The following CAMK1D variants were observed in gnomAD, a reference collection of about 807,000 sequenced individuals.
CAMK1D encodes calcium/calmodulin-dependent protein kinase type 1D.
In CAMK1D, 9 loss-of-function variants were observed where a neutral mutation model predicts 47.7. The ratio of observed to expected loss-of-function variants is 0.19; its 90% CI spans 0.11 to 0.33. The LOEUF (loss-of-function observed/expected upper bound fraction) is 0.33. Among genes scored for constraint, CAMK1D ranks in the 10% least tolerant of loss-of-function variants. The probability of loss-of-function intolerance (pLI) is 1.00; values close to 1 mark genes in which losing one functional copy is unlikely to be tolerated. For synonymous variants in CAMK1D, 184 were observed against 184.9 expected (o/e 0.99, Z 0.04); for missense variants, 291 against 488.7 (o/e 0.60, Z 3.81).
intron 1 of CAMK1D, among the ~76,000 whole-genome samples, chr10:12,458,843 A>G (rs1833337412): frequency 6.6e-6 from 1 of 150,818 alleles, no homozygotes; most frequent in African/African-American, 2.4e-5. Flanking sequence ...ACTTCAGATA[A>G]GTTTCTTTCT....
At position 12,495,046 on chromosome 10, in the gene CAMK1D, A is replaced by G. The variant is rs185060506; in HGVS notation, c.93-58179A>G. Reference sequence around the variant, plus strand: ...ATGGAAAACCTTCTTATTGAGAATTAAAAACACCGCTATCAAAATCGTTCA... The same window carrying G: ...ATGGAAAACCTTCTTATTGAGAATTGAAAACACCGCTATCAAAATCGTTCA... On this transcript the variant is annotated intron_variant, in intron 1 of 10. Coordinates refer to ENST00000619168, the MANE Select transcript of CAMK1D (RefSeq NM_153498.4). 1.4e-3 allele frequency among the ~76,000 whole-genome samples: 206 copies of G among 152,332 alleles called. 1 individual carries two copies. Among genetic ancestry groups the G allele is most frequent in the African/African-American group, 4.8e-3 (200 of 41,574 alleles).
chr10:12,415,260 A>G lies in CAMK1D; in HGVS notation c.92+65350A>G, dbSNP rs559102358. Among the ~76,000 whole-genome samples, 29 of 124,422 alleles carry G rather than the reference A, an allele frequency of 2.3e-4. No individual in the cohort carries two copies. In the South Asian group the frequency reaches 7.7e-3, roughly 33 times the overall value. The allele number at this position is 124,422 out of a possible 152,430, so 81.6% of individuals were successfully genotyped here. A position where few individuals can be genotyped will look rare whatever the true frequency, so the allele number is the denominator to read the frequency against. On this transcript the variant is annotated intron_variant, in intron 1 of 10. Transcript: ENST00000619168. ...CTAGCCATTTCCTTGAGTATCTTGG[A>G]GTATTTGCTGGTGATATATGTATTC...
intron 1 of CAMK1D, among the ~76,000 whole-genome samples, chr10:12,395,428 C>A (rs959400127): frequency 4.6e-5 from 7 of 152,064 alleles, no homozygotes. Flanking sequence ...AGCCACCAGT[C>A]ACCTCATTAG....
rs1456332814 is a variant in CAMK1D, at chr10:12,520,111, G to A, written c.93-33114G>A. 5.0e-5 allele frequency among the ~76,000 whole-genome samples: 4 copies of A among 79,712 alleles called. 1 individual carries two copies. Among genetic ancestry groups the A allele is most frequent in the Non-Finnish European group, 8.0e-5 (3 of 37,496 alleles). The allele number at this position is 79,712 out of a possible 152,430, so 52.3% of individuals were successfully genotyped here. On this transcript the variant is annotated intron_variant, in intron 1 of 10. Coordinates refer to ENST00000619168, the MANE Select transcript of CAMK1D (RefSeq NM_153498.4). ...CTCCCGGACGGGGTGGCTGCCGGGC[G>A]GAGAGGCTCCTCACTTCCCAGATGG... is the stretch of plus-strand genomic sequence containing the variant.
chr10:12,657,027 T>C (rs1181696746), intron 2 of CAMK1D, among the ~76,000 whole-genome samples: 4 of 152,224 alleles, frequency 2.6e-5, no homozygotes, highest in East Asian at 1.9e-4. Context: ...TGATTGCTTG[T>C]GCAATTCCAC....
chr10:12,441,680 ACATGCCTGTAATCC>A (rs1391336100), intron 1 of CAMK1D, among the ~76,000 whole-genome samples: 3 of 152,050 alleles, frequency 2.0e-5, no homozygotes, highest in Non-Finnish European at 4.4e-5. Context: ...GTGTGGTGAC[ACATGCCTGTAATCC>A]CAGCTACTCG....
chr10:12,803,013 G>A lies in CAMK1D; in HGVS notation c.642-11182G>A, dbSNP rs1018509465. 2.0e-5 allele frequency among the ~76,000 whole-genome samples: 3 copies of A among 152,244 alleles called. No individual in the cohort carries two copies. In the South Asian group the frequency reaches 6.2e-4, roughly 31 times the overall value. On this transcript the variant is annotated intron_variant, in intron 6 of 10. Coordinates refer to ENST00000619168, the MANE Select transcript of CAMK1D (RefSeq NM_153498.4). Reference sequence around the variant, plus strand: ...AAGGTTAATATGACCTGGCTCTGGAGTTGGACAAAGAGACTAAAATTCTGT... The same window carrying A: ...AAGGTTAATATGACCTGGCTCTGGAATTGGACAAAGAGACTAAAATTCTGT...
At chr10:12,704,059 C>CGT (rs138352151) in intron 3 of CAMK1D, among the ~76,000 whole-genome samples, 2,715 of 151,176 alleles carry the variant, frequency 0.018, 59 homozygotes, top group East Asian at 0.094. Context: ...CTGTTTGAAA[C>CGT]GTGTGTGTGT....
chr10:12,403,846 T>A (rs2724790), intron 1 of CAMK1D, among the ~76,000 whole-genome samples: 107,085 of 151,076 alleles, frequency 0.71, 38,119 homozygotes, highest in Admixed American at 0.75. Context: ...AGTAGGGTGG[T>A]TGTTTTGGCC....
intron 2 of CAMK1D, among the ~76,000 whole-genome samples, chr10:12,589,305 C>T (rs1171567888): frequency 2.6e-5 from 4 of 152,308 alleles, no homozygotes; most frequent in African/African-American, 9.6e-5. Context: ...TGAGCCACTG[C>T]GCGCAGCCTG....
intron 3 of CAMK1D, among the ~76,000 whole-genome samples, chr10:12,692,711 A>G (rs148584958): frequency 2.0e-5 from 3 of 152,356 alleles, no homozygotes; most frequent in Non-Finnish European, 2.9e-5. Flanking sequence ...TATTTTCATT[A>G]AAGTGTTCTT....
intron 1 of CAMK1D, among the ~76,000 whole-genome samples, chr10:12,400,042 C>T (rs536127801): frequency 9.2e-5 from 14 of 152,160 alleles, no homozygotes; most frequent in African/African-American, 2.4e-4. Flanking sequence ...TTGGCTAATA[C>T]GGCATTCACG....
chr10:12,735,293 C>T (rs934862888), intron 3 of CAMK1D, among the ~76,000 whole-genome samples: 3 of 152,212 alleles, frequency 2.0e-5, no homozygotes, highest in Admixed American at 1.3e-4. Context: ...TGGGCTATCA[C>T]GGTGAAACCC....
At chr10:12,827,327 TCTCTTCTCTTCCTTCCTTCCTTCTTCC>T (rs1181947565) in intron 10 of CAMK1D, among the ~76,000 whole-genome samples, 7 of 85,106 alleles carry the variant, frequency 8.2e-5, no homozygotes, top group Admixed American at 2.5e-4. Context: ...TTTCTTTCTC[TCTCTTCTCTTCCTTCCTTCCTTCTTCC>T]TTTCTTTCTT....
chr10:12,370,422 C>T (rs1029791841), intron 1 of CAMK1D, among the ~76,000 whole-genome samples: 1 of 152,022 alleles, frequency 6.6e-6, no homozygotes, highest in Non-Finnish European at 1.5e-5. Context: ...AAAAAAAAGT[C>T]AACGGTAGAA....
At chr10:12,722,674 A>G (rs1053977098) in intron 3 of CAMK1D, among the ~76,000 whole-genome samples, 1 of 152,136 alleles carries the variant, frequency 6.6e-6, no homozygotes, top group Non-Finnish European at 1.5e-5. Context: ...CGGCCTACCA[A>G]AGGATCTGGA....
chr10:12,794,398 C>G (rs780873757), intron 6 of CAMK1D, among the ~76,000 whole-genome samples: 1 of 152,044 alleles, frequency 6.6e-6, no homozygotes, highest in Non-Finnish European at 1.5e-5. Context: ...GCTTGAGACC[C>G]TTGGAAGATA....
chr10:12,654,154 C>T (rs1202957445), intron 2 of CAMK1D, among the ~76,000 whole-genome samples: 3 of 152,244 alleles, frequency 2.0e-5, no homozygotes, highest in African/African-American at 7.2e-5. Flanking sequence ...CCAGCGTCTT[C>T]AATCTGGGGC....
chr10:12,752,285 C>T (rs757613149), intron 3 of CAMK1D, among the ~76,000 whole-genome samples: 32 of 152,150 alleles, frequency 2.1e-4, no homozygotes, highest in Non-Finnish European at 3.5e-4. Context: ...GGTGAGCCAC[C>T]GCGCTGGCCA....
Sources: allele counts gnomAD v4.1 joint callset (sites outside exome capture counted in the v4.1 genomes callset), GRCh38; gene constraint gnomAD v4.1.1; transcripts MANE v1.5; gene names NCBI Gene and HGNC (gene_info 2026-07-23, HGNC 2026-07-21).